DUS1L: variants seen among roughly 807,000 people sequenced by gnomAD.
DUS1L encodes tRNA-dihydrouridine(16/17) synthase [NAD(P)(+)]-like.
In DUS1L, 56 loss-of-function variants were observed where a neutral mutation model predicts 61.2. The ratio of observed to expected loss-of-function variants is 0.92; its 90% CI spans 0.74 to 1.14. DUS1L has a LOEUF of 1.14. DUS1L is among the 50% of genes most tolerant of loss of function. The pLI is 0.00. For synonymous variants in DUS1L, 278 were observed against 259.5 expected (o/e 1.07, Z -0.69); for missense variants, 630 against 632.4 (o/e 1.00, Z 0.04).
In DUS1L at chr17:82,063,448, C is replaced by T. The variant is rs1429615557; in HGVS notation, c.397+20G>A. ...TTGAGGGTCTCTGGGGGTCCTTCAC[C>T]ATCCACCCAGCCAACTCACTCATTC... On this transcript the variant is annotated intron_variant, in intron 4 of 13. Transcript: ENST00000306796. 2 of 1,613,754 alleles carry T rather than the reference C, an allele frequency of 1.2e-6. No homozygotes were observed. The highest frequency in any genetic ancestry group is 1.7e-5 in the Admixed American group (1 of 60,032).
chr17:82,062,108 C>A, intron 5 of DUS1L, 125 bp from the exon 6 acceptor site: 1 of 842,796 alleles, frequency 1.2e-6, no homozygotes. Flanking sequence ...CCTCCCAGCC[C>A]TGTGCCCCAT....
Position 82,060,737 on chromosome 17 carries a change from G to T in DUS1L, c.986C>A (p.Pro329His). 6.2e-7 allele frequency: 1 copy of T among 1,613,010 alleles called. No individual in the cohort carries two copies. The change falls in exon 10 of 14, where the codon CCC becomes CAC. Residue 329 changes from proline to histidine, a missense_variant. Physicochemically the swap from Pro to His is moderately conservative, Grantham distance 77. Coordinates refer to ENST00000306796, the MANE Select transcript of DUS1L (RefSeq NM_022156.5). Reference protein sequence around the residue: ...QEGAKPTGDLPFHWICQPYIR... With the variant: ...QEGAKPTGDLHFHWICQPYIR... The stretch of plus-strand genomic sequence containing the variant: ...GTAGGGCTGGCAGATCCAGTGGAAG[G>T]GCAAGTCGCCGGTGGGCTTCGCTCC...
At chr17:82,063,366 G>T in intron 4 of DUS1L, 102 bp downstream of exon 4, 1 of 1,523,726 alleles carries the variant, frequency 6.6e-7, no homozygotes. Context: ...GAGAACTCCT[G>T]CCAACGCCTG....
chr17:82,065,418 C>T lies in DUS1L; in HGVS notation c.-11+195G>A, dbSNP rs540408290. The stretch of plus-strand genomic sequence containing the variant: ...CCGCCCGGCGGTGAAGTTAGGACCC[C>T]CGGCCCCTTCCCGGGAGAATCGGCT... On this transcript the variant is annotated intron_variant, in intron 1 of 13. Transcript: ENST00000306796. The T allele has an allele frequency of 2.1e-3, 486 of 236,964 alleles. 2 individuals are homozygous for T. The highest frequency in any genetic ancestry group is 0.01 in the African/African-American group (449 of 44,606). 14.7% of individuals were successfully genotyped at this position (236,964 alleles called of 1,614,324 possible).
chr17:82,062,457 A>G lies in DUS1L; in HGVS notation c.510+404T>C, dbSNP rs569765703. ...GGGGCACCCCCGGAGACAGCAGCCCATCCAGGCCCGCGCCAGGCCAGGCTC... is the reference window on the plus strand; with the variant it reads ...GGGGCACCCCCGGAGACAGCAGCCCGTCCAGGCCCGCGCCAGGCCAGGCTC... On this transcript the variant is annotated intron_variant, in intron 5 of 13. Transcript: ENST00000306796. 1.2e-4 allele frequency among the ~76,000 whole-genome samples: 18 copies of G among 152,310 alleles called. No homozygotes were observed. In the South Asian group the frequency reaches 3.5e-3, roughly 30 times the overall value.
chr17:82,060,227 T>G (rs1447581644), intron 10 of DUS1L, 134 bp from the exon 11 acceptor site: 6 of 1,218,698 alleles, frequency 4.9e-6, no homozygotes, highest in Non-Finnish European at 6.7e-6. Flanking sequence ...GTGCCCTCCT[T>G]TCCCTCGGGC....
intron 10 of DUS1L, chr17:82,060,456 T>C: frequency 1.7e-6 from 1 of 593,280 alleles, no homozygotes; most frequent in South Asian, 2.1e-5. Context: ...GAAGAAAAGA[T>C]TTAAAATCCG....
chr17:82,057,614 C>T lies in DUS1L; in HGVS notation c.*501G>A, dbSNP rs780089551. On this transcript the variant is annotated 3_prime_UTR_variant, in exon 14 of 14. Coordinates refer to ENST00000306796, the MANE Select transcript of DUS1L (RefSeq NM_022156.5). Reference sequence around the variant, plus strand: ...AGCCTGGCCCTCAGATTCAACAGCCCCCAGCAGCAGCCACTGTGGCCTCGC... The same window carrying T: ...AGCCTGGCCCTCAGATTCAACAGCCTCCAGCAGCAGCCACTGTGGCCTCGC... 6.2e-5 allele frequency: 16 copies of T among 258,974 alleles called. No individual in the cohort carries two copies. The highest frequency in any genetic ancestry group is 1.4e-3 in the Middle Eastern group (1 of 690). The allele number at this position is 258,974 out of a possible 1,614,324, so 16.0% of individuals were successfully genotyped here.
chr17:82,060,158 A>C, intron 10 of DUS1L, 65 bp from the exon 11 acceptor site: 1 of 1,566,254 alleles, frequency 6.4e-7, no homozygotes, highest in Non-Finnish European at 8.6e-7. Flanking sequence ...CCACAGCCAC[A>C]CGGGTCTGAG....
intron 8 of DUS1L, 56 bp downstream of exon 8, chr17:82,061,153 A>G: frequency 6.4e-7 from 1 of 1,558,918 alleles, no homozygotes; most frequent in Non-Finnish European, 8.7e-7. Flanking sequence ...GTGGGGTCTG[A>G]CGGAATCTGC....
chr17:82,059,270 T>TTG (rs1555659515), intron 11 of DUS1L: 1 of 188,316 alleles, frequency 5.3e-6, no homozygotes, highest in African/African-American at 2.3e-5. Flanking sequence ...AGTGGCCTGG[T>TTG]GGGGGGCAGT....
In DUS1L at chr17:82,057,639, C is replaced by T. The variant is rs576020792; in HGVS notation, c.*476G>A. The T allele has an allele frequency of 5.5e-5, 14 of 256,198 alleles. No individual in the cohort carries two copies. Among genetic ancestry groups the T allele is most frequent in the Non-Finnish European group, 9.4e-5 (12 of 127,842 alleles). 15.9% of individuals were successfully genotyped at this position (256,198 alleles called of 1,614,324 possible). A position where few individuals can be genotyped will look rare whatever the true frequency, so the allele number is the denominator to read the frequency against. ...CCCAGCAGCAGCCACTGTGGCCTCG[C>T]AGGCGGTGCTTCCAAGGCTGTGAGG... is the stretch of plus-strand genomic sequence containing the variant. On this transcript the variant is annotated 3_prime_UTR_variant, in exon 14 of 14. Coordinates refer to ENST00000306796, the MANE Select transcript of DUS1L (RefSeq NM_022156.5).
At chr17:82,058,865 C>A (rs764729633) in intron 11 of DUS1L, 47 bp from the exon 12 acceptor site, 1 of 1,565,276 alleles carries the variant, frequency 6.4e-7, no homozygotes, top group Non-Finnish European at 8.8e-7. Flanking sequence ...CCAGGGTGCC[C>A]TGGCTGTGGG....
At chr17:82,059,576 T>G in intron 11 of DUS1L, 1 of 238,228 alleles carries the variant, frequency 4.2e-6, no homozygotes, top group Non-Finnish European at 8.1e-6. Flanking sequence ...ACAAGACCCA[T>G]GCACACACTC....
At position 82,058,241 on chromosome 17, in the gene DUS1L, A is replaced by G. The variant is rs2033162422; in HGVS notation, c.1296T>C (p.Leu432=). The G allele has an allele frequency of 6.3e-7, 1 of 1,582,220 alleles. No homozygotes were observed. Among genetic ancestry groups the G allele is most frequent in the Non-Finnish European group, 8.6e-7 (1 of 1,158,474 alleles). Reference sequence around the variant, plus strand: ...GAGACTTCTCCAATTTGGTTTTAAAAAGCAATCCGTGACCTGGCAGAGCGA... The same window carrying G: ...GAGACTTCTCCAATTTGGTTTTAAAGAGCAATCCGTGACCTGGCAGAGCGA... ...ETADCPGHGL[L]FKTKLEKSLA... The change falls in exon 14 of 14, where the codon CTT becomes CTC. Residue 432 remains leucine, a synonymous_variant. Transcript: ENST00000306796.
At chr17:82,060,145 C>G in intron 10 of DUS1L, 52 bp from the exon 11 acceptor site, 6 of 1,579,292 alleles carry the variant, frequency 3.8e-6, no homozygotes, top group Non-Finnish European at 5.2e-6. Flanking sequence ...AGGGGCCCAG[C>G]AGCCACAGCC....
intron 3 of DUS1L, 94 bp downstream of exon 3, chr17:82,064,032 G>A (rs2033641447): frequency 2.8e-6 from 3 of 1,084,636 alleles, no homozygotes; most frequent in South Asian, 2.8e-5. Context: ...ACAGAGGCAG[G>A]GCCTGCCGTC....
intron 12 of DUS1L, 51 bp from the exon 13 acceptor site, chr17:82,058,467 A>G (rs755016619): frequency 4.7e-6 from 7 of 1,477,346 alleles, no homozygotes; most frequent in Non-Finnish European, 6.3e-6. Context: ...TCCCGGGGCC[A>G]GGCTGGCCAG....
Position 82,065,081 on chromosome 17 carries a change from G to A in DUS1L, c.-10-12C>T. The A allele has an allele frequency of 6.4e-7, 1 of 1,566,612 alleles. No individual in the cohort carries two copies. The highest frequency in any genetic ancestry group is 1.9e-5 in the Admixed American group (1 of 54,010). ...GCATCGTCTCCAGGCTGGGGGAAAG[G>A]CGCAGACCCGGGGTTCAGCCAGGCC... On this transcript the variant is annotated splice_polypyrimidine_tract_variant and intron_variant, in intron 1 of 13. Transcript: ENST00000306796.
Sources: allele counts gnomAD v4.1 joint callset (sites outside exome capture counted in the v4.1 genomes callset), GRCh38; gene constraint gnomAD v4.1.1; transcripts MANE v1.5; gene names NCBI Gene and HGNC (gene_info 2026-07-23, HGNC 2026-07-21).